COBLL1: variants seen among roughly 807,000 people sequenced by gnomAD.
COBLL1 encodes cordon-bleu protein-like 1.
In COBLL1, 50 loss-of-function variants were observed where a neutral mutation model predicts 94.8. That is an observed-to-expected ratio of 0.53 (90% CI 0.42 to 0.67). The LOEUF is 0.67. COBLL1 is among the 30% of genes least tolerant of loss of function. The pLI, the probability that COBLL1 is intolerant of heterozygous loss-of-function variation, is 0.00. For missense variants in COBLL1, 1,362 were observed against 1,348.7 expected (o/e 1.01, Z -0.15); for synonymous variants, 448 against 473.8 (o/e 0.95, Z 0.71).
Position 164,780,630 on chromosome 2 carries a change from T to C in COBLL1, c.42-36755A>G, listed in dbSNP as rs143522832. On this transcript the variant is annotated intron_variant, in intron 2 of 13. Coordinates refer to ENST00000652658, the MANE Select transcript of COBLL1 (RefSeq NM_001365672.2). ...GTTATGAGCTCAAAGACATAGATGA[T>C]ATTATCACCACAGCGAATGGACAAG... 7.2e-5 allele frequency among the ~76,000 whole-genome samples: 11 copies of C among 152,280 alleles called. No homozygotes were observed. In the East Asian group the frequency reaches 2.1e-3, roughly 29 times the overall value.
chr2:164,742,094 G>C (rs951904982), intron 3 of COBLL1, among the ~76,000 whole-genome samples: 1 of 151,980 alleles, frequency 6.6e-6, no homozygotes, highest in Non-Finnish European at 1.5e-5. Context: ...AAGTTAACTC[G>C]GGGTGGCATG....
intron 5 of COBLL1, 189 bp from the exon 6 acceptor site, chr2:164,722,711 C>T: frequency 3.0e-6 from 1 of 335,072 alleles, no homozygotes; most frequent in East Asian, 4.9e-5. Context: ...TATTTCACAG[C>T]AGAGGAAACT....
chr2:164,766,642 C>T (rs1044618893), intron 2 of COBLL1, among the ~76,000 whole-genome samples: 1 of 152,106 alleles, frequency 6.6e-6, no homozygotes. Flanking sequence ...TTATAAATTA[C>T]CCAGTCTCAG....
At chr2:164,664,111 A>G (rs1366089684) in intron 2 of COBLL1, among the ~76,000 whole-genome samples, 1 of 152,228 alleles carries the variant, frequency 6.6e-6, no homozygotes, top group Non-Finnish European at 1.5e-5. Flanking sequence ...AAAGCCTATA[A>G]TGCAGAGAGG....
chr2:164,837,355 C>A, intron 2 of COBLL1: 1 of 363,704 alleles, frequency 2.7e-6, no homozygotes, highest in Non-Finnish European at 5.6e-6. Flanking sequence ...ATTAATGTCA[C>A]TTTACTAAGT....
At chr2:164,660,059 T>C (rs1691045446) in intron 2 of COBLL1, among the ~76,000 whole-genome samples, 1 of 152,214 alleles carries the variant, frequency 6.6e-6, no homozygotes, top group African/African-American at 2.4e-5. Flanking sequence ...CACATGGCAT[T>C]CTTTTACCCC....
At chr2:164,699,539 T>G (rs568702283) in intron 10 of COBLL1, 40 bp from the exon 11 acceptor site, 1 of 1,178,380 alleles carries the variant, frequency 8.5e-7, no homozygotes, top group Admixed American at 1.7e-5. Context: ...TTGATACTAT[T>G]GAAACACACA....
At chr2:164,837,893 G>C (rs535650238) in intron 2 of COBLL1, among the ~76,000 whole-genome samples, 11 of 152,120 alleles carry the variant, frequency 7.2e-5, no homozygotes, top group Non-Finnish European at 1.6e-4. Context: ...CTAAGAAAGT[G>C]ATCTAAAGCC....
chr2:164,756,715 C>G (rs562265117), intron 2 of COBLL1, among the ~76,000 whole-genome samples: 15 of 151,992 alleles, frequency 9.9e-5, no homozygotes, highest in African/African-American at 3.1e-4. Context: ...GTGTAATCTT[C>G]CAGTGACAAC....
intron 2 of COBLL1, among the ~76,000 whole-genome samples, chr2:164,765,707 A>G (rs928902001): frequency 6.6e-6 from 1 of 152,188 alleles, no homozygotes; most frequent in South Asian, 2.1e-4. Flanking sequence ...AAAAAATCTT[A>G]TGCTCTATGG....
intron 1 of COBLL1, among the ~76,000 whole-genome samples, chr2:164,666,451 GC>G (rs1691159930): frequency 6.6e-6 from 1 of 152,188 alleles, no homozygotes; most frequent in South Asian, 2.1e-4. Context: ...GTTGATGGCT[GC>G]TGATAAATCA....
chr2:164,778,216 T>C (rs973943976), intron 2 of COBLL1, among the ~76,000 whole-genome samples: 4 of 152,132 alleles, frequency 2.6e-5, no homozygotes, highest in South Asian at 4.1e-4. Flanking sequence ...ACTGAAGGAA[T>C]AAAATGCCAG....
chr2:164,748,919 T>G lies in COBLL1; in HGVS notation c.42-5044A>C, dbSNP rs530104184. On this transcript the variant is annotated intron_variant, in intron 2 of 13. Coordinates refer to ENST00000652658, the MANE Select transcript of COBLL1 (RefSeq NM_001365672.2). The stretch of plus-strand genomic sequence containing the variant: ...TTAATAATGAGAATTAAGGCAAAAT[T>G]TGCATTATTCAATAATATATTTTGA... Among the ~76,000 whole-genome samples the G allele has an allele frequency of 2.8e-4, 42 of 152,260 alleles. No homozygotes were observed. The Middle Eastern group carries it at 0.024, about 86-fold the overall frequency.
chr2:164,746,314 G>A (rs1045671647), intron 2 of COBLL1, among the ~76,000 whole-genome samples: 32 of 152,086 alleles, frequency 2.1e-4, no homozygotes. Flanking sequence ...CAAGTTAGAA[G>A]ACTAAACTTT....
chr2:164,716,852 T>G (rs1432333152), intron 7 of COBLL1, among the ~76,000 whole-genome samples: 1 of 152,150 alleles, frequency 6.6e-6, no homozygotes, highest in Non-Finnish European at 1.5e-5. Flanking sequence ...TGAGGCAAAT[T>G]ATTAAATATA....
At chr2:164,735,731 T>C (rs1686269902) in intron 3 of COBLL1, among the ~76,000 whole-genome samples, 2 of 151,892 alleles carry the variant, frequency 1.3e-5, no homozygotes, top group South Asian at 4.1e-4. Flanking sequence ...CTGCCAAAGA[T>C]AACAATTCTG....
intron 2 of COBLL1, among the ~76,000 whole-genome samples, chr2:164,789,694 ACT>A (rs745684241): frequency 2.3e-4 from 35 of 152,174 alleles, no homozygotes; most frequent in Non-Finnish European, 4.3e-4. Context: ...GGACTACTTA[ACT>A]CTCTACTTGA....
At chr2:164,663,238 G>T (rs1321905458) in intron 2 of COBLL1, among the ~76,000 whole-genome samples, 1 of 152,110 alleles carries the variant, frequency 6.6e-6, no homozygotes, top group Non-Finnish European at 1.5e-5. Context: ...GGTAGCTATA[G>T]CTATAATCCA....
chr2:164,759,500 GA>G (rs1472628712), intron 2 of COBLL1, among the ~76,000 whole-genome samples: 4 of 151,876 alleles, frequency 2.6e-5, no homozygotes, highest in African/African-American at 9.7e-5. Flanking sequence ...TAGGCCATAG[GA>G]TTAGCTATGA....
Sources: allele counts gnomAD v4.1 joint callset (sites outside exome capture counted in the v4.1 genomes callset), GRCh38; gene constraint gnomAD v4.1.1; transcripts MANE v1.5; gene names NCBI Gene and HGNC (gene_info 2026-07-23, HGNC 2026-07-21).